The following JHY variants were observed in gnomAD, a reference collection of about 807,000 sequenced individuals.
The protein encoded by JHY is junctional cadherin complex regulator, also known as jhy protein homolog.
In JHY, 69 loss-of-function variants were observed where a neutral mutation model predicts 78.0. The ratio of observed to expected loss-of-function variants is 0.88; its 90% confidence interval spans 0.73 to 1.08. The LOEUF (loss-of-function observed/expected upper bound fraction) is 1.08. JHY is among the 50% of genes least tolerant of loss of function. The pLI is 0.00. For missense variants in JHY, 944 were observed against 927.8 expected (o/e 1.02, Z -0.23); for synonymous variants, 368 against 342.6 (o/e 1.07, Z -0.82).
chr11:122,943,036 A>G (rs1431910076), intron 5 of JHY, among the ~76,000 whole-genome samples: 1 of 151,794 alleles, frequency 6.6e-6, no homozygotes, highest in Admixed American at 6.6e-5. Flanking sequence ...CACCACACCC[A>G]CCTACTTTTT....
Position 122,948,050 on chromosome 11 carries a change from G to A in JHY, c.1929+1258G>A, listed in dbSNP as rs138989330. On this transcript the variant is annotated intron_variant, in intron 6 of 8. Transcript: ENST00000227349. ...GCCATCAGCAGACAACACTCCCAGC[G>A]TCTGGAGAAATGAGTGCCTCAGTAC... is the stretch of plus-strand genomic sequence containing the variant. Among the ~76,000 whole-genome samples, 346 of 152,272 alleles carry A rather than the reference G, an allele frequency of 2.3e-3. 2 individuals carry two copies. Among genetic ancestry groups the A allele is most frequent in the African/African-American group, 7.6e-3 (317 of 41,562 alleles).
chr11:122,887,201 A>G (rs1862512751), intron 2 of JHY, among the ~76,000 whole-genome samples: 1 of 152,224 alleles, frequency 6.6e-6, no homozygotes, highest in African/African-American at 2.4e-5. Context: ...TCTGTGCCTC[A>G]GTTTCTTCAT....
rs78629251 is a variant in JHY, at chr11:122,899,658, G to A, written c.345-4267G>A. Among the ~76,000 whole-genome samples the A allele has an allele frequency of 6.8e-3, 1,043 of 152,314 alleles. 7 individuals are homozygous for A. The highest frequency in any genetic ancestry group is 0.017 in the Middle Eastern group (5 of 294). ...AAACGAAAGATCACTTGCAGTCCCCGCTGCCTGGGAATTTGTCTAGTGAGG... is the reference window on the plus strand; with the variant it reads ...AAACGAAAGATCACTTGCAGTCCCCACTGCCTGGGAATTTGTCTAGTGAGG... On this transcript the variant is annotated intron_variant, in intron 2 of 8. Transcript: ENST00000227349.
intron 2 of JHY, among the ~76,000 whole-genome samples, chr11:122,892,699 C>T (rs1204618478): frequency 3.3e-5 from 5 of 152,142 alleles, no homozygotes; most frequent in East Asian, 3.9e-4. Flanking sequence ...ATTAATAATA[C>T]GAGTCAGGTG....
chr11:122,954,515 T>G (rs1341664071), intron 6 of JHY, among the ~76,000 whole-genome samples: 3 of 152,246 alleles, frequency 2.0e-5, no homozygotes, highest in Non-Finnish European at 4.4e-5. Flanking sequence ...TTATATGCAA[T>G]AATTATACCT....
chr11:122,910,024 A>G (rs1863079027), intron 3 of JHY, among the ~76,000 whole-genome samples: 1 of 152,118 alleles, frequency 6.6e-6, no homozygotes, highest in Non-Finnish European at 1.5e-5. Context: ...AAGCCACCCA[A>G]ATATCTGTCA....
chr11:122,925,577 T>A (rs2135342014), intron 4 of JHY, among the ~76,000 whole-genome samples: 1 of 152,252 alleles, frequency 6.6e-6, no homozygotes, highest in Middle Eastern at 3.4e-3. Context: ...CTCCACACTG[T>A]TTTTCTAGAA....
At chr11:122,913,232 G>C (rs927863422) in intron 3 of JHY, among the ~76,000 whole-genome samples, 3 of 152,210 alleles carry the variant, frequency 2.0e-5, no homozygotes, top group African/African-American at 7.2e-5. Context: ...ATTACAGAAC[G>C]CTACAATCTT....
chr11:122,962,623 C>T lies in JHY; in HGVS notation c.*3178C>T, dbSNP rs556125938. Among the ~76,000 whole-genome samples the T allele has an allele frequency of 5.9e-5, 9 of 152,096 alleles. No individual in the cohort carries two copies. Among genetic ancestry groups the T allele is most frequent in the East Asian group, 5.8e-4 (3 of 5,178 alleles). The stretch of plus-strand genomic sequence containing the variant: ...ATGAATAACCTTCATTAATTGTTTC[C>T]GAAATGGCCTTAAATTCGAACTTAA... On this transcript the variant is annotated 3_prime_UTR_variant, in exon 9 of 9. Coordinates refer to ENST00000227349, the MANE Select transcript of JHY (RefSeq NM_024806.4).
intron 2 of JHY, among the ~76,000 whole-genome samples, chr11:122,895,151 A>G (rs1383106878): frequency 6.6e-6 from 1 of 152,266 alleles, no homozygotes; most frequent in African/African-American, 2.4e-5. Context: ...TTAAAGAAGC[A>G]TTAAAAACTT....
At chr11:122,890,455 AT>A (rs1413323782) in intron 2 of JHY, among the ~76,000 whole-genome samples, 8 of 152,164 alleles carry the variant, frequency 5.3e-5, no homozygotes, top group Admixed American at 3.9e-4. Context: ...CTCCTAGGTA[AT>A]AAATGGGAGT....
At chr11:122,894,602 A>G (rs896940951) in intron 2 of JHY, among the ~76,000 whole-genome samples, 1 of 152,232 alleles carries the variant, frequency 6.6e-6, no homozygotes, top group Non-Finnish European at 1.5e-5. Context: ...CATAATCTTA[A>G]TAGAAGTGAG....
Position 122,904,021 on chromosome 11 carries a change from G to A in JHY, c.441G>A (p.Leu147=), listed in dbSNP as rs1185548933. Residue 147 remains leucine, a synonymous_variant, in exon 3 of 9, where the codon TTG becomes TTA. Coordinates refer to ENST00000227349, the MANE Select transcript of JHY (RefSeq NM_024806.4). ...EEGQLLSVEA[L]PESTDSSLEN... ...GGCAGCTGCTGTCTGTGGAAGCGTT[G>A]CCGGAGTCCACGGACAGCTCTTTAG... 1 of 1,614,146 alleles carries A rather than the reference G, an allele frequency of 6.2e-7. No homozygotes were observed. The highest frequency in any genetic ancestry group is 1.1e-5 in the South Asian group (1 of 91,076).
At chr11:122,894,781 G>A (rs3134437) in intron 2 of JHY, among the ~76,000 whole-genome samples, 141,195 of 152,294 alleles carry the variant, frequency 0.93, 65,668 homozygotes, top group Middle Eastern at 0.98. Flanking sequence ...ACTTTGGTTG[G>A]AATTATCCAA....
In JHY at chr11:122,934,455, A is replaced by C; in HGVS notation, c.1014A>C (p.Thr338=). Residue 338 remains threonine, a synonymous_variant, in exon 5 of 9, where the codon ACA becomes ACC. Transcript: ENST00000227349. ...YQEHWSQYES[T]KSSNVPRGQP... is the part of the protein sequence containing the mutation. Reference sequence around the variant, plus strand: ...AACACTGGTCTCAATATGAAAGTACAAAATCAAGCAATGTACCAAGAGGGC... The same window carrying C: ...AACACTGGTCTCAATATGAAAGTACCAAATCAAGCAATGTACCAAGAGGGC... 1.2e-6 allele frequency: 2 copies of C among 1,613,820 alleles called. No individual in the cohort carries two copies. The highest frequency in any genetic ancestry group is 2.2e-5 in the South Asian group (2 of 91,044).
intron 2 of JHY, among the ~76,000 whole-genome samples, chr11:122,902,926 A>C (rs1862893673): frequency 6.6e-6 from 1 of 152,214 alleles, no homozygotes; most frequent in African/African-American, 2.4e-5. Context: ...CAGTAAATAC[A>C]AAAGTCAGTA....
chr11:122,921,689 G>A (rs759274785), intron 3 of JHY, among the ~76,000 whole-genome samples: 9 of 152,264 alleles, frequency 5.9e-5, no homozygotes, highest in South Asian at 2.1e-4. Context: ...GAGGGACTGA[G>A]ATAGAAAATA....
Position 122,961,207 on chromosome 11 carries a change from A to G in JHY, c.*1762A>G. 1 of 472,464 alleles carries G rather than the reference A, an allele frequency of 2.1e-6. No homozygotes were observed. The highest frequency in any genetic ancestry group is 4.0e-6 in the Non-Finnish European group (1 of 249,990). 29.3% of individuals were successfully genotyped at this position (472,464 alleles called of 1,614,324 possible). On this transcript the variant is annotated 3_prime_UTR_variant, in exon 9 of 9. Coordinates refer to ENST00000227349, the MANE Select transcript of JHY (RefSeq NM_024806.4). ...GAAGTAGATAGTTTATATCTCCTAA[A>G]AATGAAACATTTGTTCCCTATACTG...
intron 2 of JHY, among the ~76,000 whole-genome samples, chr11:122,889,337 C>T (rs1047883132): frequency 2.6e-5 from 4 of 151,592 alleles, no homozygotes; most frequent in African/African-American, 9.7e-5. Flanking sequence ...TCCATGGTTT[C>T]GCATCTGTGG....
Sources: allele counts gnomAD v4.1 joint callset (sites outside exome capture counted in the v4.1 genomes callset), GRCh38; gene constraint gnomAD v4.1.1; transcripts MANE v1.5; gene names NCBI Gene and HGNC (gene_info 2026-07-23, HGNC 2026-07-21).